Variants in ANKRD6 observed in about 807,000 individuals in gnomAD.
ANKRD6 encodes ankyrin repeat domain 6, also known as ankyrin repeat domain-containing protein 6.
ANKRD6 carries 56 observed loss-of-function variants against 82.3 expected under a neutral mutation model. The ratio of observed to expected loss-of-function variants is 0.68; its 90% confidence interval spans 0.55 to 0.85. ANKRD6 has a LOEUF of 0.85. ANKRD6 is among the 40% of genes least tolerant of loss of function. The pLI, the probability that ANKRD6 is intolerant of heterozygous loss-of-function variation, is 0.00. For synonymous variants in ANKRD6, 347 were observed against 352.1 expected, an observed-to-expected ratio of 0.99 and a Z score of 0.16; for missense variants, 852 against 907.6, an observed-to-expected ratio of 0.94 and a Z score of 0.79.
At chr6:89,580,580 G>A (rs910705922) in intron 2 of ANKRD6, among the ~76,000 whole-genome samples, 4 of 152,076 alleles carry the variant, frequency 2.6e-5, no homozygotes, top group Admixed American at 6.6e-5. Flanking sequence ...GCTCTGCACC[G>A]AGAGGCTCTC....
intron 5 of ANKRD6, among the ~76,000 whole-genome samples, chr6:89,608,831 T>C (rs1013423511): frequency 2.6e-5 from 4 of 152,198 alleles, no homozygotes; most frequent in African/African-American, 9.7e-5. Context: ...CTCAAGCAGA[T>C]TGGCAGGCTC....
Position 89,632,659 on chromosome 6 carries a change from T to C in ANKRD6, c.*1655T>C, listed in dbSNP as rs558970473. The C allele has an allele frequency of 6.6e-6, 1 of 152,336 alleles. No individual in the cohort carries two copies. The highest frequency in any genetic ancestry group is 6.5e-5 in the Admixed American group (1 of 15,300). The allele number at this position is 152,336 out of a possible 1,614,324, so 9.4% of individuals were successfully genotyped here. On this transcript the variant is annotated 3_prime_UTR_variant, in exon 16 of 16. Coordinates refer to ENST00000339746, the MANE Select transcript of ANKRD6 (RefSeq NM_001242809.2). ...TTATTTCAAGTTGATTTTCATGTGT[T>C]TGGGAGCTTGTCTTGTTCTCAACTA...
chr6:89,628,508 G>C (rs1424416400), intron 14 of ANKRD6, among the ~76,000 whole-genome samples: 1 of 152,198 alleles, frequency 6.6e-6, no homozygotes, highest in East Asian at 1.9e-4. Flanking sequence ...AGTGGCTCAC[G>C]CCTGTAATCC....
At position 89,567,215 on chromosome 6, in the gene ANKRD6, G is replaced by A. The variant is rs192411686; in HGVS notation, c.120+119G>A. 275 of 1,384,444 alleles carry A rather than the reference G, an allele frequency of 2.0e-4. No individual in the cohort carries two copies. In the African/African-American group the frequency reaches 3.7e-3, roughly 19 times the overall value. 85.8% of individuals were successfully genotyped at this position (1,384,444 alleles called of 1,614,324 possible). On this transcript the variant is annotated intron_variant, in intron 2 of 15. Coordinates refer to ENST00000339746, the MANE Select transcript of ANKRD6 (RefSeq NM_001242809.2). ...TCAAAGAACTGGCTTTTCTTCCAATGATGGAGGTTTGGGGAGAAGGAGGAT... is the reference window on the plus strand; with the variant it reads ...TCAAAGAACTGGCTTTTCTTCCAATAATGGAGGTTTGGGGAGAAGGAGGAT...
rs1421261567 is a variant in ANKRD6 at position 89,631,348 on chromosome 6, AATAAT to A, written c.*349_*353del. The A allele has an allele frequency of 2.3e-4, 42 of 182,890 alleles. No individual in the cohort carries two copies. The highest frequency in any genetic ancestry group is 1.6e-4 in the South Asian group (1 of 6,156). 11.3% of individuals were successfully genotyped at this position (182,890 alleles called of 1,614,324 possible). On this transcript the variant is annotated 3_prime_UTR_variant, in exon 16 of 16. Coordinates refer to ENST00000339746, the MANE Select transcript of ANKRD6 (RefSeq NM_001242809.2). Reference sequence around the variant, plus strand: ...AGACTCTAAAATTCAAGATGTGTGAAATAATATAAGTCAAAAGCAAGAAAAACGTA... The same window carrying A: ...AGACTCTAAAATTCAAGATGTGTGAAATAAGTCAAAAGCAAGAAAAACGTA...
intron 1 of ANKRD6, among the ~76,000 whole-genome samples, chr6:89,462,819 A>C (rs1269333117): frequency 6.6e-6 from 1 of 151,416 alleles, no homozygotes; most frequent in Non-Finnish European, 1.5e-5. Flanking sequence ...CATTGTAGAA[A>C]AGTACACGAG....
intron 2 of ANKRD6, among the ~76,000 whole-genome samples, chr6:89,582,304 C>A (rs1433726808): frequency 1.3e-5 from 2 of 152,044 alleles, no homozygotes; most frequent in African/African-American, 4.8e-5. Context: ...ATCCTCCCAC[C>A]TTAGCCTGCC....
chr6:89,555,980 A>G (rs1359289708), intron 1 of ANKRD6, among the ~76,000 whole-genome samples: 1 of 152,176 alleles, frequency 6.6e-6, no homozygotes, highest in African/African-American at 2.4e-5. Context: ...AATTCAGCCC[A>G]TAATTAGCAG....
At chr6:89,623,646 G>T (rs1804486920) in intron 11 of ANKRD6, 102 bp downstream of exon 11, 1 of 1,477,260 alleles carries the variant, frequency 6.8e-7, no homozygotes, top group African/African-American at 1.4e-5. Flanking sequence ...CACTCACTTG[G>T]CTGGCTGGTT....
Position 89,623,860 on chromosome 6 carries a change from C to A in ANKRD6, c.1033-12C>A. ...AAAGCGTTCAGGGGTGTTGTCTCTT[C>A]CTCTCTTACAGGTGTCAGCATTTTC... On this transcript the variant is annotated splice_polypyrimidine_tract_variant and intron_variant, in intron 11 of 15. Transcript: ENST00000339746. The A allele has an allele frequency of 6.2e-7, 1 of 1,608,810 alleles. No individual in the cohort carries two copies. The highest frequency in any genetic ancestry group is 8.5e-7 in the Non-Finnish European group (1 of 1,177,544).
intron 1 of ANKRD6, among the ~76,000 whole-genome samples, chr6:89,548,809 G>A (rs1785440424): frequency 6.6e-6 from 1 of 152,218 alleles, no homozygotes; most frequent in Admixed American, 6.5e-5. Context: ...GTCTTAGTGT[G>A]TAGGCTGGAA....
intron 1 of ANKRD6, among the ~76,000 whole-genome samples, chr6:89,456,506 G>A (rs565233397): frequency 4.9e-4 from 74 of 152,246 alleles, no homozygotes; most frequent in African/African-American, 1.7e-3. Context: ...CTGTGCGTGT[G>A]CATCCTTGGT....
chr6:89,514,169 G>A lies in ANKRD6; in HGVS notation c.-143-52665G>A, dbSNP rs534236498. 3.6e-4 allele frequency among the ~76,000 whole-genome samples: 55 copies of A among 152,238 alleles called. No individual in the cohort carries two copies. The South Asian group carries it at 0.011, about 31-fold the overall frequency. ...GAGGTGGGCAGATCACATGAAGTCGGGAGTTAAAAACTACCCTGGCCAACA... is the reference window on the plus strand; with the variant it reads ...GAGGTGGGCAGATCACATGAAGTCGAGAGTTAAAAACTACCCTGGCCAACA... On this transcript the variant is annotated intron_variant, in intron 1 of 15. Transcript: ENST00000339746.
In ANKRD6 at chr6:89,461,364, A is replaced by G. The variant is rs41439454; in HGVS notation, c.-144+27989A>G. On this transcript the variant is annotated intron_variant, in intron 1 of 15. Coordinates refer to ENST00000339746, the MANE Select transcript of ANKRD6 (RefSeq NM_001242809.2). ...AAAGGCACATATGATATAAGAGTAC[A>G]TTAGTTGATGGGAGAGAATAGAATT... Among the ~76,000 whole-genome samples the G allele has an allele frequency of 8.6e-3, 1,304 of 152,326 alleles. 13 individuals are homozygous for G. The highest frequency in any genetic ancestry group is 0.03 in the African/African-American group (1,239 of 41,576).
chr6:89,587,579 C>T (rs951854246), intron 2 of ANKRD6, among the ~76,000 whole-genome samples: 3 of 152,204 alleles, frequency 2.0e-5, no homozygotes, highest in Admixed American at 6.5e-5. Flanking sequence ...AATCACCTCT[C>T]CATATCATTT....
At chr6:89,575,016 T>C (rs73752776) in intron 2 of ANKRD6, among the ~76,000 whole-genome samples, 11,370 of 152,232 alleles carry the variant, frequency 0.075, 546 homozygotes, top group Middle Eastern at 0.16. Flanking sequence ...AGAAATATGA[T>C]TGGACAGAAA....
chr6:89,480,209 G>C (rs571202102), intron 1 of ANKRD6, among the ~76,000 whole-genome samples: 1 of 152,272 alleles, frequency 6.6e-6, no homozygotes, highest in East Asian at 1.9e-4. Flanking sequence ...CAGAAGATCA[G>C]CCTTCCAAGT....
At chr6:89,626,545 GAA>G (rs146640374) in intron 13 of ANKRD6, among the ~76,000 whole-genome samples, 180 of 152,322 alleles carry the variant, frequency 1.2e-3, no homozygotes, top group African/African-American at 4.2e-3. Flanking sequence ...GGACTGAAGA[GAA>G]AAACAGAAGG....
At chr6:89,546,320 T>G (rs1785085805) in intron 1 of ANKRD6, among the ~76,000 whole-genome samples, 1 of 152,144 alleles carries the variant, frequency 6.6e-6, no homozygotes, top group Non-Finnish European at 1.5e-5. Flanking sequence ...CATAAAAACT[T>G]AAGAAATATA....
Sources: gnomAD v4.1 joint callset for allele counts (sites outside exome capture counted in the v4.1 genomes callset) on GRCh38, gnomAD v4.1.1 for gene constraint, MANE v1.5 for transcripts, NCBI Gene and HGNC (gene_info 2026-07-23, HGNC 2026-07-21) for gene names.